LRP1B: variants seen among roughly 807,000 people sequenced by gnomAD.
LRP1B encodes low-density lipoprotein receptor-related protein 1B.
A neutral mutation model predicts 556.6 loss-of-function variants in LRP1B; 217 were observed. That is an observed-to-expected ratio of 0.39 (90% confidence interval 0.35 to 0.44). The LOEUF (loss-of-function observed/expected upper bound fraction) is 0.44, where lower values mean the gene tolerates loss of function less well. Ranked by LOEUF, LRP1B falls within the 20% of genes least tolerant of loss-of-function variation. The pLI, the probability that LRP1B is intolerant of heterozygous loss-of-function variation, is 1.00. For synonymous variants in LRP1B, 2,047 were observed against 1,865.8 expected (o/e 1.10, Z -2.50); for missense variants, 5,053 against 5,620.8 (o/e 0.90, Z 3.23).
At chr2:140,915,295 GA>G (rs1694541361) in intron 21 of LRP1B, among the ~76,000 whole-genome samples, 1 of 152,032 alleles carries the variant, frequency 6.6e-6, no homozygotes, top group Non-Finnish European at 1.5e-5. Context: ...GAAAGAAATA[GA>G]AGACCAAACA....
At chr2:141,400,849 C>T (rs1429541392) in intron 3 of LRP1B, among the ~76,000 whole-genome samples, 1 of 152,158 alleles carries the variant, frequency 6.6e-6, no homozygotes, top group Non-Finnish European at 1.5e-5. Flanking sequence ...AAACCAAATT[C>T]TATAGCCTGG....
rs11419084 is a variant in LRP1B at position 140,555,224 on chromosome 2, G to GAA, written c.7195-13255_7195-13254dup. On this transcript the variant is annotated intron_variant, in intron 43 of 90. Transcript: ENST00000389484. Reference sequence around the variant, plus strand: ...CAAATTGAGATTCACAGACGCTCAGGAAAAAAAAAAAACAAATATTACTTT... The same window carrying GAA: ...CAAATTGAGATTCACAGACGCTCAGGAAAAAAAAAAAAAACAAATATTACTTT... Among the ~76,000 whole-genome samples, 266 of 144,690 alleles carry GAA rather than the reference G, an allele frequency of 1.8e-3. 1 individual carries two copies. The highest frequency in any genetic ancestry group is 3.8e-3 in the East Asian group (19 of 5,012). 94.9% of individuals were successfully genotyped at this position (144,690 alleles called of 152,430 possible).
intron 21 of LRP1B, among the ~76,000 whole-genome samples, chr2:140,915,789 A>G (rs932357043): frequency 1.3e-5 from 2 of 151,996 alleles, no homozygotes; most frequent in African/African-American, 4.8e-5. Flanking sequence ...ATACAACAAA[A>G]GGTTTAAAAC....
chr2:140,285,057 C>A, intron 84 of LRP1B, among the ~76,000 whole-genome samples: 1 of 146,172 alleles, frequency 6.8e-6, no homozygotes, highest in South Asian at 2.2e-4. Context: ...TATCTATATA[C>A]CTATCTATAT....
chr2:141,217,168 G>A lies in LRP1B; in HGVS notation c.850+12015C>T, dbSNP rs547014010. Among the ~76,000 whole-genome samples the A allele has an allele frequency of 3.9e-5, 6 of 152,242 alleles. No homozygotes were observed. In the South Asian group the frequency reaches 1.2e-3, roughly 32 times the overall value. Reference sequence around the variant, plus strand: ...GTGGGTCCTAGTGGGAGGCGTTTGGGTCATGGGGGTAGATCTCTCAAGGCT... The same window carrying A: ...GTGGGTCCTAGTGGGAGGCGTTTGGATCATGGGGGTAGATCTCTCAAGGCT... On this transcript the variant is annotated intron_variant, in intron 6 of 90. Transcript: ENST00000389484.
At chr2:141,306,776 C>T (rs1358900908) in intron 3 of LRP1B, among the ~76,000 whole-genome samples, 1 of 151,966 alleles carries the variant, frequency 6.6e-6, no homozygotes, top group African/African-American at 2.4e-5. Flanking sequence ...ATTCACAATA[C>T]TTTTGCTATA....
chr2:141,065,671 C>A (rs1025222180), intron 7 of LRP1B, among the ~76,000 whole-genome samples: 6 of 151,864 alleles, frequency 4.0e-5, no homozygotes, highest in Non-Finnish European at 5.9e-5. Flanking sequence ...ATTGTTACCA[C>A]CCCTAGGGCT....
intron 41 of LRP1B, among the ~76,000 whole-genome samples, chr2:140,669,708 T>G (rs1310539992): frequency 6.6e-6 from 1 of 152,086 alleles, no homozygotes; most frequent in Non-Finnish European, 1.5e-5. Flanking sequence ...TCCTTTTAAT[T>G]CTTTATTATT....
chr2:140,593,713 A>G lies in LRP1B; in HGVS notation c.7194+4918T>C, dbSNP rs1039776741. On this transcript the variant is annotated intron_variant, in intron 43 of 90. Coordinates refer to ENST00000389484, the MANE Select transcript of LRP1B (RefSeq NM_018557.3). ...TTGTGACCACATTCTAAGATAAAAC[A>G]GAATAATAAAACTCGACATTCAGTT... Among the ~76,000 whole-genome samples, 3 of 152,212 alleles carry G rather than the reference A, an allele frequency of 2.0e-5. No individual in the cohort carries two copies. In the East Asian group the frequency reaches 5.8e-4, roughly 29 times the overall value.
intron 82 of LRP1B, among the ~76,000 whole-genome samples, chr2:140,318,240 C>G (rs542870205): frequency 1.3e-5 from 2 of 152,206 alleles, no homozygotes; most frequent in East Asian, 3.9e-4. Flanking sequence ...TATGTTCCAA[C>G]TAAAATGGTC....
At chr2:141,544,361 C>CTTCTTCTT (rs1685451612) in intron 2 of LRP1B, among the ~76,000 whole-genome samples, 2 of 98,170 alleles carry the variant, frequency 2.0e-5, no homozygotes, top group African/African-American at 7.7e-5. Context: ...TCTTCTTCTT[C>CTTCTTCTT]TTCTTCTTCT....
chr2:140,278,063 C>T (rs1376370566), intron 84 of LRP1B, among the ~76,000 whole-genome samples: 1 of 150,666 alleles, frequency 6.6e-6, no homozygotes, highest in Admixed American at 6.6e-5. Flanking sequence ...ACACAAAATG[C>T]AGCTGTAAGC....
In LRP1B at chr2:141,328,302, C is replaced by T. The variant is rs533618874; in HGVS notation, c.344-73661G>A. On this transcript the variant is annotated intron_variant, in intron 3 of 90. Transcript: ENST00000389484. ...AATCTCTATACCTCACTTTTATCAT[C>T]TGTAAAATCCAAAAGAAGGAAGCCT... 7.9e-5 allele frequency among the ~76,000 whole-genome samples: 12 copies of T among 152,282 alleles called. No homozygotes were observed. In the East Asian group the frequency reaches 2.1e-3, roughly 27 times the overall value.
intron 1 of LRP1B, among the ~76,000 whole-genome samples, chr2:141,892,147 C>T (rs1175759117): frequency 6.6e-6 from 1 of 151,366 alleles, no homozygotes; most frequent in Admixed American, 6.6e-5. Context: ...ATAAATTATT[C>T]CACTGGAAAT....
intron 1 of LRP1B, among the ~76,000 whole-genome samples, chr2:142,074,895 T>C (rs1705444366): frequency 6.6e-6 from 1 of 152,104 alleles, no homozygotes; most frequent in African/African-American, 2.4e-5. Context: ...TCCTCCCACA[T>C]ACTGTGTTAT....
At chr2:141,061,964 T>C (rs1699348412) in intron 8 of LRP1B, 87 bp downstream of exon 8, 1 of 1,028,650 alleles carries the variant, frequency 9.7e-7, no homozygotes, top group African/African-American at 1.6e-5. Flanking sequence ...AGCTCGACTT[T>C]ACAAGAAATT....
At chr2:141,036,858 TA>T (rs556782435) in intron 11 of LRP1B, among the ~76,000 whole-genome samples, 17 of 150,432 alleles carry the variant, frequency 1.1e-4, no homozygotes, top group East Asian at 9.9e-4. Context: ...ATATTGATAT[TA>T]AAAAAAAAGA....
intron 7 of LRP1B, among the ~76,000 whole-genome samples, chr2:141,106,764 G>T (rs566027136): frequency 6.6e-6 from 1 of 152,264 alleles, no homozygotes; most frequent in Non-Finnish European, 1.5e-5. Flanking sequence ...GAACTATTCT[G>T]TAGCGTTCTC....
At chr2:140,477,890 G>T (rs978340018) in intron 59 of LRP1B, among the ~76,000 whole-genome samples, 5 of 151,978 alleles carry the variant, frequency 3.3e-5, no homozygotes, top group African/African-American at 1.2e-4. Flanking sequence ...CTTATGAATT[G>T]TGTGAAATTT....
Sources: allele counts gnomAD v4.1 joint callset (sites outside exome capture counted in the v4.1 genomes callset), GRCh38; gene constraint gnomAD v4.1.1; transcripts MANE v1.5; gene names NCBI Gene and HGNC (gene_info 2026-07-23, HGNC 2026-07-21).